Variants in MARK4 observed in about 807,000 individuals in gnomAD.
MARK4 encodes MAP/microtubule affinity-regulating kinase 4.
A neutral mutation model predicts 81.5 loss-of-function variants in MARK4; 19 were observed. That is an observed-to-expected ratio of 0.23 (90% confidence interval 0.16 to 0.34). MARK4 has a LOEUF of 0.34. MARK4 is among the 10% of genes least tolerant of loss of function. MARK4 has a pLI of 1.00. For missense variants in MARK4, 772 were observed against 1,058.8 expected, an observed-to-expected ratio of 0.73 and a Z score of 3.76; for synonymous variants, 436 against 439.0, an observed-to-expected ratio of 0.99 and a Z score of 0.08.
intron 12 of MARK4, among the ~76,000 whole-genome samples, chr19:45,284,560 G>A (rs1970718515): frequency 6.6e-6 from 1 of 151,716 alleles, no homozygotes; most frequent in Non-Finnish European, 1.5e-5. Flanking sequence ...CTGACCTCAT[G>A]ATCCACCTGC....
At chr19:45,280,995 G>A (rs115229861) in intron 12 of MARK4, among the ~76,000 whole-genome samples, 1,584 of 151,950 alleles carry the variant, frequency 0.01, 29 homozygotes, top group African/African-American at 0.035. Flanking sequence ...CTCTGCTTGT[G>A]TGGTTTTTCC....
chr19:45,280,295 C>A, intron 10 of MARK4, 79 bp from the exon 11 acceptor site: 1 of 1,293,628 alleles, frequency 7.7e-7, no homozygotes, highest in South Asian at 1.2e-5. Flanking sequence ...GAGTGACACC[C>A]TGTCTCAAAA....
At chr19:45,288,841 C>T (rs1970783226) in intron 13 of MARK4, among the ~76,000 whole-genome samples, 1 of 114,710 alleles carries the variant, frequency 8.7e-6, no homozygotes. Context: ...CAGAGCAAGA[C>T]TCTGTCTCAA....
In MARK4 at chr19:45,294,398, C is replaced by T; in HGVS notation, c.1544C>T (p.Thr515Ile). The T allele has an allele frequency of 6.2e-7, 1 of 1,614,116 alleles. No individual in the cohort carries two copies. The highest frequency in any genetic ancestry group is 2.2e-5 in the East Asian group (1 of 44,874). Residue 515 changes from threonine (T) to isoleucine (I), a missense_variant, in exon 14 of 17, where the codon ACA becomes ATA. By Grantham distance (89) the Thr-to-Ile change is moderately conservative. Transcript: ENST00000262891. ...ACCCGCAGAAACACCTACGTTTGCA[C>T]AGAACGCCCGGGGGCTGAGCGCCCG... Reference protein sequence around the residue: ...MMTRRNTYVCTERPGAERPSL... With the variant: ...MMTRRNTYVCIERPGAERPSL...
chr19:45,257,020 C>G (rs1970315511), intron 1 of MARK4, among the ~76,000 whole-genome samples: 1 of 151,868 alleles, frequency 6.6e-6, no homozygotes, highest in Non-Finnish European at 1.5e-5. Flanking sequence ...GTGGCATGAT[C>G]ATAGCTCACT....
At chr19:45,261,533 A>G (rs1970380643) in intron 2 of MARK4, among the ~76,000 whole-genome samples, 1 of 152,254 alleles carries the variant, frequency 6.6e-6, no homozygotes, top group African/African-American at 2.4e-5. Context: ...AGGAAAGCTA[A>G]GGGGCTCTCT....
intron 1 of MARK4, among the ~76,000 whole-genome samples, chr19:45,254,396 T>C (rs1416256518): frequency 2.1e-4 from 32 of 152,078 alleles, no homozygotes; most frequent in Non-Finnish European, 2.9e-5. Flanking sequence ...GGGCTTCTTC[T>C]CCAGGTCCTT....
At chr19:45,266,121 C>G (rs550319418) in intron 6 of MARK4, 104 bp from the exon 7 acceptor site, 1 of 1,153,838 alleles carries the variant, frequency 8.7e-7, no homozygotes, top group African/African-American at 1.5e-5. Flanking sequence ...TCAGGCTGTG[C>G]CTTGGGGAGG....
chr19:45,275,534 C>G (rs1315223922), intron 8 of MARK4, among the ~76,000 whole-genome samples: 1 of 152,006 alleles, frequency 6.6e-6, no homozygotes, highest in Non-Finnish European at 1.5e-5. Flanking sequence ...ATATGTTAAG[C>G]CCTTCACTGG....
chr19:45,299,895 T>A (rs765341035), intron 16 of MARK4, 40 bp downstream of exon 16: 5 of 1,572,612 alleles, frequency 3.2e-6, no homozygotes, highest in Non-Finnish European at 4.3e-6. Context: ...ACTTCCCCTC[T>A]CCTGCCTCAG....
At chr19:45,257,249 G>T (rs1970318452) in intron 1 of MARK4, among the ~76,000 whole-genome samples, 1 of 152,014 alleles carries the variant, frequency 6.6e-6, no homozygotes, top group South Asian at 2.1e-4. Flanking sequence ...TTCACTGAAG[G>T]TTCAGATGAT....
rs1037138669 is a variant in MARK4 at position 45,290,064 on chromosome 19, C to T, written c.1494+2400C>T. On this transcript the variant is annotated intron_variant, in intron 13 of 16. Transcript: ENST00000262891. ...GCAGTGAGCCAAGATCGTGCCACTG[C>T]ACTCCAGCCTGGGAGTCTCCAGAGG... 2.6e-5 allele frequency among the ~76,000 whole-genome samples: 4 copies of T among 152,348 alleles called. No homozygotes were observed. In the East Asian group the frequency reaches 5.8e-4, roughly 22 times the overall value.
chr19:45,263,567 C>T (rs1970408235), intron 4 of MARK4, among the ~76,000 whole-genome samples, 200 bp downstream of exon 4: 1 of 151,992 alleles, frequency 6.6e-6, no homozygotes, highest in Admixed American at 6.6e-5. Context: ...CATGGTGAAA[C>T]TCTGTCTCTA....
chr19:45,252,600 T>C (rs1235601336), intron 1 of MARK4, among the ~76,000 whole-genome samples: 1 of 151,760 alleles, frequency 6.6e-6, no homozygotes, highest in African/African-American at 2.4e-5. Flanking sequence ...AGTCTGGCCT[T>C]CCAAGGAAGC....
At chr19:45,288,093 T>C in intron 13 of MARK4, 1 of 222,100 alleles carries the variant, frequency 4.5e-6, no homozygotes. Context: ...CCAGGCATCA[T>C]GTTATGTACC....
Position 45,277,905 on chromosome 19 carries a change from G to T in MARK4, c.787-18G>T. The stretch of plus-strand genomic sequence containing the variant: ...GGGGCGGGGCAGACCCCCTCCTCCA[G>T]TAACCCCATCCCTGCAGGAGCTGCG... On this transcript the variant is annotated intron_variant, in intron 8 of 16. Coordinates refer to ENST00000262891, the MANE Select transcript of MARK4 (RefSeq NM_001199867.2). 2 of 1,604,784 alleles carry T rather than the reference G, an allele frequency of 1.2e-6. No homozygotes were observed. Among genetic ancestry groups the T allele is most frequent in the Non-Finnish European group, 1.7e-6 (2 of 1,175,402 alleles).
intron 7 of MARK4, 57 bp downstream of exon 7, chr19:45,266,338 C>A: frequency 6.5e-7 from 1 of 1,529,442 alleles, no homozygotes. Context: ...CAGACTTCTC[C>A]CTGCCCCCAC....
chr19:45,258,820 C>T, intron 1 of MARK4, 169 bp from the exon 2 acceptor site: 1 of 677,116 alleles, frequency 1.5e-6, no homozygotes, highest in South Asian at 2.0e-5. Flanking sequence ...GCTTTTGTTC[C>T]TGGAGGCGTC....
intron 16 of MARK4, 129 bp downstream of exon 16, chr19:45,299,984 T>G: frequency 1.3e-6 from 1 of 764,608 alleles, no homozygotes; most frequent in Non-Finnish European, 1.9e-6. Context: ...AAATGCCCTG[T>G]GGCCCCAGCC....
Sources: gnomAD v4.1 joint callset for allele counts (sites outside exome capture counted in the v4.1 genomes callset) on GRCh38, gnomAD v4.1.1 for gene constraint, MANE v1.5 for transcripts, NCBI Gene and HGNC (gene_info 2026-07-23, HGNC 2026-07-21) for gene names.